The following ZNF611 variants were observed in gnomAD, a reference collection of about 807,000 sequenced individuals.
The protein encoded by ZNF611 is zinc finger protein 611.
ZNF611 carries 6 observed loss-of-function variants against 8.9 expected under a neutral mutation model. The observed-to-expected ratio is 0.68, with a 90% CI of 0.37 to 1.34. The LOEUF (loss-of-function observed/expected upper bound fraction) is 1.34, where lower values mean the gene tolerates loss of function less well. ZNF611 is among the 40% of genes most tolerant of loss of function. ZNF611 has a pLI of 0.02. For synonymous variants in ZNF611, 262 were observed against 279.7 expected, an observed-to-expected ratio of 0.94 and a Z score of 0.63; for missense variants, 874 against 841.3, an observed-to-expected ratio of 1.04 and a Z score of -0.48.
At chr19:52,733,770 C>A (rs116464134) in intron 1 of ZNF611, among the ~76,000 whole-genome samples, 1,727 of 152,024 alleles carry the variant, frequency 0.011, 30 homozygotes, top group African/African-American at 0.04. Context: ...TCCCTTTATT[C>A]CTTCTCTTCC....
At position 52,703,357 on chromosome 19, in the gene ZNF611, C is replaced by T. The variant is rs2062217114; in HGVS notation, c.*1580G>A. ...AGTATAGTGGCACAATTTTGGTTCA[C>T]TGCAACTTCTACCTCCTAGGTTTAA... is the stretch of plus-strand genomic sequence containing the variant. On this transcript the variant is annotated 3_prime_UTR_variant, in exon 6 of 6. Transcript: ENST00000652185. 6.6e-6 allele frequency: 1 copy of T among 152,124 alleles called. No individual in the cohort carries two copies. The highest frequency in any genetic ancestry group is 2.4e-5 in the African/African-American group (1 of 41,410). The allele number at this position is 152,124 out of a possible 1,614,324, so 9.4% of individuals were successfully genotyped here.
intron 5 of ZNF611, chr19:52,708,914 T>A (rs562295590): frequency 1.3e-5 from 2 of 152,340 alleles, no homozygotes; most frequent in Admixed American, 1.3e-4. Flanking sequence ...ACTACACTTA[T>A]GTAACAGCCA....
At chr19:52,731,461 C>G (rs548977838) in intron 1 of ZNF611, among the ~76,000 whole-genome samples, 1 of 152,204 alleles carries the variant, frequency 6.6e-6, no homozygotes, top group Admixed American at 6.5e-5. Context: ...ACGTCTGCCT[C>G]CCGGGTTCAA....
chr19:52,715,218 G>A (rs2062308414), intron 4 of ZNF611, among the ~76,000 whole-genome samples: 1 of 152,132 alleles, frequency 6.6e-6, no homozygotes, highest in Non-Finnish European at 1.5e-5. Context: ...AGCACTTTGG[G>A]AGGCTGAGGT....
At chr19:52,708,740 G>A (rs1439681745) in intron 5 of ZNF611, 1 of 151,888 alleles carries the variant, frequency 6.6e-6, no homozygotes, top group Non-Finnish European at 1.5e-5. Flanking sequence ...TGGAGGCTGA[G>A]GCAAAAGAAT....
chr19:52,710,496 T>C (rs1020509293), intron 5 of ZNF611, among the ~76,000 whole-genome samples: 2 of 152,136 alleles, frequency 1.3e-5, no homozygotes, highest in African/African-American at 4.8e-5. Flanking sequence ...TCCCAAAATA[T>C]TGGGATAATA....
At chr19:52,719,785 T>C (rs2036051867) in intron 3 of ZNF611, among the ~76,000 whole-genome samples, 1 of 152,204 alleles carries the variant, frequency 6.6e-6, no homozygotes, top group African/African-American at 2.4e-5. Context: ...TTTTTTAGTA[T>C]TTATTGATCA....
chr19:52,712,571 G>A (rs1172666297), intron 5 of ZNF611, among the ~76,000 whole-genome samples: 1 of 149,894 alleles, frequency 6.7e-6, no homozygotes, highest in African/African-American at 2.5e-5. Context: ...CCAGGAGGCA[G>A]AGGTTGCAGT....
chr19:52,730,319 G>A (rs4802990), intron 1 of ZNF611, among the ~76,000 whole-genome samples: 34,354 of 144,560 alleles, frequency 0.24, 4,188 homozygotes, highest in Middle Eastern at 0.31. Flanking sequence ...ATGAACCCGG[G>A]AGGTGGAGGT....
chr19:52,719,287 C>T (rs765162796), intron 3 of ZNF611, among the ~76,000 whole-genome samples: 11 of 152,056 alleles, frequency 7.2e-5, no homozygotes, highest in Non-Finnish European at 1.5e-4. Context: ...TTTTAATACT[C>T]CTTTCATCAC....
At chr19:52,729,509 A>AAAAAAAAAAAAAAAAAAAAAAAT (rs2062412439) in intron 2 of ZNF611, among the ~76,000 whole-genome samples, 1 of 147,668 alleles carries the variant, frequency 6.8e-6, no homozygotes, top group Non-Finnish European at 1.5e-5. Flanking sequence ...AAAAAAAAAA[A>AAAAAAAAAAAAAAAAAAAAAAAT]AAAAAAAAAG....
intron 3 of ZNF611, among the ~76,000 whole-genome samples, chr19:52,718,779 C>G (rs1442400471): frequency 6.6e-6 from 1 of 151,962 alleles, no homozygotes. Flanking sequence ...GCCTGGGCAA[C>G]AAGAGCAAAA....
intron 5 of ZNF611, among the ~76,000 whole-genome samples, chr19:52,711,603 G>A (rs533205784): frequency 1.6e-4 from 24 of 151,968 alleles, no homozygotes; most frequent in South Asian, 6.2e-4. Flanking sequence ...GGGGATACAA[G>A]GACTGAGCTG....
At chr19:52,734,176 T>C (rs1215823226) in intron 1 of ZNF611, among the ~76,000 whole-genome samples, 1 of 136,028 alleles carries the variant, frequency 7.4e-6, no homozygotes, top group African/African-American at 2.8e-5. Context: ...TTTCTCCTCC[T>C]GCTTTCTTAG....
At chr19:52,710,545 A>C (rs2062272888) in intron 5 of ZNF611, among the ~76,000 whole-genome samples, 2 of 152,014 alleles carry the variant, frequency 1.3e-5, no homozygotes, top group Admixed American at 1.3e-4. Context: ...TTTTTAATTT[A>C]GTAGGTTCAA....
chr19:52,725,925 C>T lies in ZNF611; in HGVS notation c.-20+2805G>A, dbSNP rs567559832. On this transcript the variant is annotated intron_variant, in intron 3 of 5. Coordinates refer to ENST00000652185, the MANE Select transcript of ZNF611 (RefSeq NM_001161499.2). ...CCTGTGCATCTCTCCGCCTCGCACC[C>T]AGCGCCTCTGTTTTTCGGGTGTTTG... Among the ~76,000 whole-genome samples, 195 of 152,320 alleles carry T rather than the reference C, an allele frequency of 1.3e-3. 2 individuals are homozygous for T. The Middle Eastern group carries it at 0.02, about 16-fold the overall frequency.
chr19:52,715,976 A>C lies in ZNF611; in HGVS notation c.-19-63T>G, dbSNP rs1286772232. The C allele has an allele frequency of 3.8e-6, 6 of 1,582,338 alleles. No individual in the cohort carries two copies. The East Asian group carries it at 1.1e-4, about 30-fold the overall frequency. ...GACTCACTCCCTTCCTGTGACAAAA[A>C]CACACGAACGGGGGAGACGTCACCC... On this transcript the variant is annotated intron_variant, in intron 3 of 5. Coordinates refer to ENST00000652185, the MANE Select transcript of ZNF611 (RefSeq NM_001161499.2).
chr19:52,712,024 T>C (rs959823591), intron 5 of ZNF611, among the ~76,000 whole-genome samples: 3 of 152,162 alleles, frequency 2.0e-5, no homozygotes, highest in African/African-American at 7.2e-5. Context: ...TGGTAACATA[T>C]TGACCCAAGG....
chr19:52,704,283 A>G lies in ZNF611; in HGVS notation c.*654T>C, dbSNP rs936237882. 7.6e-6 allele frequency: 4 copies of G among 524,276 alleles called. No homozygotes were observed. The African/African-American group carries it at 7.8e-5, about 10-fold the overall frequency. The allele number at this position is 524,276 out of a possible 1,614,324, so 32.5% of individuals were successfully genotyped here. The stretch of plus-strand genomic sequence containing the variant: ...CATTTCATTGGGAACGGTTATCTCA[A>G]AAATGAATTTTCTGATGTTCTGCAT... On this transcript the variant is annotated 3_prime_UTR_variant, in exon 6 of 6. Transcript: ENST00000652185.
Sources: gnomAD v4.1 joint callset for allele counts (sites outside exome capture counted in the v4.1 genomes callset) on GRCh38, gnomAD v4.1.1 for gene constraint, MANE v1.5 for transcripts, NCBI Gene and HGNC (gene_info 2026-07-23, HGNC 2026-07-21) for gene names.